The following REC114 variants were observed in gnomAD, a reference collection of about 807,000 sequenced individuals.
REC114 encodes meiotic recombination protein REC114.
REC114 carries 27 observed loss-of-function variants against 31.3 expected under a neutral mutation model. That is an observed-to-expected ratio of 0.86 (90% CI 0.64 to 1.19). The LOEUF (loss-of-function observed/expected upper bound fraction) is 1.19. Ranked by LOEUF, REC114 falls within the 50% of genes most tolerant of loss-of-function variation. REC114 has a pLI of 0.00. For missense variants in REC114, 344 were observed against 326.9 expected (o/e 1.05, Z -0.40); for synonymous variants, 134 against 127.7 (o/e 1.05, Z -0.33).
At chr15:73,444,518 A>G (rs1439380241) in intron 1 of REC114, among the ~76,000 whole-genome samples, 1 of 152,180 alleles carries the variant, frequency 6.6e-6, no homozygotes, top group Non-Finnish European at 1.5e-5. Flanking sequence ...TTTATCGTAA[A>G]ATTATAGCAA....
intron 2 of REC114, among the ~76,000 whole-genome samples, chr15:73,487,658 A>C (rs1893388785): frequency 6.6e-6 from 1 of 152,210 alleles, no homozygotes; most frequent in South Asian, 2.1e-4. Flanking sequence ...CCCACACAGC[A>C]GTTCTCATGC....
At chr15:73,523,102 C>T (rs1215401687) in intron 2 of REC114, among the ~76,000 whole-genome samples, 1 of 151,972 alleles carries the variant, frequency 6.6e-6, no homozygotes, top group African/African-American at 2.4e-5. Flanking sequence ...AATATTTTGC[C>T]TATTGAGTTG....
At chr15:73,523,818 C>G (rs1893970028) in intron 2 of REC114, among the ~76,000 whole-genome samples, 1 of 152,138 alleles carries the variant, frequency 6.6e-6, no homozygotes, top group African/African-American at 2.4e-5. Flanking sequence ...TTTATAGTTT[C>G]AGCTAGTACA....
At chr15:73,470,969 G>A (rs1893125770) in intron 1 of REC114, among the ~76,000 whole-genome samples, 1 of 152,188 alleles carries the variant, frequency 6.6e-6, no homozygotes, top group Non-Finnish European at 1.5e-5. Flanking sequence ...GTGCACAGTA[G>A]GTGGGTGCTA....
intron 1 of REC114, among the ~76,000 whole-genome samples, chr15:73,452,157 T>G (rs1892859639): frequency 6.6e-6 from 1 of 152,042 alleles, no homozygotes; most frequent in Non-Finnish European, 1.5e-5. Context: ...GAGAAAGAAA[T>G]AAAGGGTATT....
chr15:73,539,369 CA>C (rs1363322783), intron 2 of REC114, among the ~76,000 whole-genome samples: 4 of 139,390 alleles, frequency 2.9e-5, no homozygotes, highest in African/African-American at 1.1e-4. Flanking sequence ...CGGCTCACTG[CA>C]ACCTCCGCCT....
chr15:73,516,022 T>C (rs1163055161), intron 2 of REC114, among the ~76,000 whole-genome samples: 3 of 151,906 alleles, frequency 2.0e-5, no homozygotes, highest in South Asian at 2.1e-4. Flanking sequence ...GTTTTGCTCT[T>C]GTCACCCAGG....
chr15:73,523,399 C>A (rs1018997483), intron 2 of REC114, among the ~76,000 whole-genome samples: 1 of 151,870 alleles, frequency 6.6e-6, no homozygotes, highest in Non-Finnish European at 1.5e-5. Flanking sequence ...CAGCCTGTGC[C>A]TTATTGGAAC....
intron 2 of REC114, among the ~76,000 whole-genome samples, chr15:73,481,934 C>T (rs531014109): frequency 6.6e-6 from 1 of 152,254 alleles, no homozygotes; most frequent in Non-Finnish European, 1.5e-5. Flanking sequence ...GCTGGGATTA[C>T]AGGCGTGAGC....
At chr15:73,462,021 G>A (rs997979135) in intron 1 of REC114, among the ~76,000 whole-genome samples, 2 of 137,154 alleles carry the variant, frequency 1.5e-5, no homozygotes, top group African/African-American at 5.4e-5. Flanking sequence ...AACCTCTGCC[G>A]CCCGAGTTCA....
intron 2 of REC114, among the ~76,000 whole-genome samples, chr15:73,493,259 G>A (rs1423514860): frequency 1.3e-5 from 2 of 151,956 alleles, no homozygotes; most frequent in African/African-American, 4.8e-5. Context: ...ATTTCTTCAA[G>A]CTCCTTGTTT....
intron 2 of REC114, among the ~76,000 whole-genome samples, chr15:73,524,668 G>A (rs928193450): frequency 6.6e-6 from 1 of 152,034 alleles, no homozygotes; most frequent in Non-Finnish European, 1.5e-5. Context: ...TGTGATCTTG[G>A]CTCACTGCAA....
chr15:73,480,598 G>C (rs1395018029), intron 2 of REC114, among the ~76,000 whole-genome samples: 4 of 151,368 alleles, frequency 2.6e-5, no homozygotes, highest in Non-Finnish European at 5.9e-5. Flanking sequence ...GGATTATAAC[G>C]CATTTATAAC....
intron 1 of REC114, among the ~76,000 whole-genome samples, chr15:73,460,254 GT>G (rs892436836): frequency 1.3e-5 from 2 of 152,072 alleles, no homozygotes; most frequent in East Asian, 1.9e-4. Flanking sequence ...AATAACTGAA[GT>G]TTTTTTCAGC....
intron 1 of REC114, among the ~76,000 whole-genome samples, chr15:73,464,498 C>T (rs1404766064): frequency 6.6e-6 from 1 of 152,006 alleles, no homozygotes; most frequent in Non-Finnish European, 1.5e-5. Context: ...CTTTGTCTAA[C>T]TTATGGGTCT....
intron 1 of REC114, among the ~76,000 whole-genome samples, chr15:73,464,892 T>G (rs1194561306): frequency 6.6e-6 from 1 of 152,080 alleles, no homozygotes; most frequent in East Asian, 1.9e-4. Context: ...GTTTTTTGTT[T>G]GTTTGTTTGT....
At chr15:73,475,165 C>CT (rs1410680923) in intron 2 of REC114, among the ~76,000 whole-genome samples, 1 of 152,180 alleles carries the variant, frequency 6.6e-6, no homozygotes, top group Non-Finnish European at 1.5e-5. Flanking sequence ...CCACCCCATA[C>CT]TGTGTCTCTG....
At chr15:73,528,075 C>T (rs899496329) in intron 2 of REC114, among the ~76,000 whole-genome samples, 3 of 152,008 alleles carry the variant, frequency 2.0e-5, no homozygotes, top group East Asian at 1.9e-4. Flanking sequence ...AAAAAAAACC[C>T]TCATTGTAAT....
intron 1 of REC114, among the ~76,000 whole-genome samples, chr15:73,461,836 G>T (rs1892991289): frequency 6.7e-6 from 1 of 149,376 alleles, no homozygotes; most frequent in African/African-American, 2.5e-5. Flanking sequence ...TAAACTTTAT[G>T]TATGTTCTCT....
Sources: gnomAD v4.1 joint callset for allele counts (sites outside exome capture counted in the v4.1 genomes callset) on GRCh38, gnomAD v4.1.1 for gene constraint, MANE v1.5 for transcripts, NCBI Gene and HGNC (gene_info 2026-07-23, HGNC 2026-07-21) for gene names.